MYO9A: variants seen among roughly 807,000 people sequenced by gnomAD.
MYO9A encodes unconventional myosin-IXa.
In MYO9A, 103 loss-of-function variants were observed where a neutral mutation model predicts 293.3. That is an observed-to-expected ratio of 0.35 (90% CI 0.30 to 0.41). The LOEUF is 0.41. MYO9A is among the 10% of genes least tolerant of loss of function. The pLI, the probability that MYO9A is intolerant of heterozygous loss-of-function variation, is 1.00. For missense variants in MYO9A, 2,685 were observed against 3,033.0 expected (o/e 0.89, Z 2.69); for synonymous variants, 1,001 against 1,035.7 (o/e 0.97, Z 0.64).
intron 32 of MYO9A, among the ~76,000 whole-genome samples, chr15:71,870,776 A>G (rs1436658380): frequency 6.6e-6 from 1 of 152,186 alleles, no homozygotes; most frequent in South Asian, 2.1e-4. Context: ...ACATCACTTC[A>G]TTTGTGTGGA....
chr15:71,978,945 G>T (rs1022435070), intron 11 of MYO9A, among the ~76,000 whole-genome samples: 7 of 151,578 alleles, frequency 4.6e-5, no homozygotes, highest in Admixed American at 4.6e-4. Context: ...TCACTTTTTA[G>T]ATGGTTTTTT....
At chr15:71,981,604 C>T (rs936106315) in intron 11 of MYO9A, among the ~76,000 whole-genome samples, 5 of 151,868 alleles carry the variant, frequency 3.3e-5, no homozygotes, top group African/African-American at 1.2e-4. Flanking sequence ...CCCTCTATCA[C>T]TGGGATTTTG....
intron 15 of MYO9A, among the ~76,000 whole-genome samples, chr15:71,941,052 C>T (rs922199833): frequency 6.6e-6 from 1 of 151,960 alleles, no homozygotes; most frequent in Non-Finnish European, 1.5e-5. Flanking sequence ...ATAAAAGTGG[C>T]CTAAAGAATA....
intron 25 of MYO9A, among the ~76,000 whole-genome samples, chr15:71,894,313 A>G (rs2057262333): frequency 6.6e-6 from 1 of 152,182 alleles, no homozygotes; most frequent in Non-Finnish European, 1.5e-5. Flanking sequence ...GCAGTGGCTC[A>G]TGCCTGTAAA....
At chr15:72,052,131 C>T (rs1048589323) in intron 1 of MYO9A, among the ~76,000 whole-genome samples, 2 of 151,698 alleles carry the variant, frequency 1.3e-5, no homozygotes, top group East Asian at 1.9e-4. Context: ...TCCTCTCTGC[C>T]GGGAGTTGAG....
At position 71,826,960 on chromosome 15, in the gene MYO9A, G is replaced by C. The variant is rs754028295; in HGVS notation, c.7267C>G (p.Gln2423Glu). The change falls in exon 42 of 42, where the codon CAA becomes GAA. Residue 2423 changes from glutamine (Q) to glutamate (E), a missense_variant. Transcript: ENST00000356056. Reference sequence around the variant, plus strand: ...GAGTCCACGACATCTAAAGAGTCTTGCTGCTTTTTAAGTTGCTTTCGCAAC... The same window carrying C: ...GAGTCCACGACATCTAAAGAGTCTTCCTGCTTTTTAAGTTGCTTTCGCAAC... Reference protein sequence around the residue: ...SKLRKQLKKQQDSLDVVDSSV... With the variant: ...SKLRKQLKKQEDSLDVVDSSV... 1.2e-6 allele frequency: 2 copies of C among 1,613,714 alleles called. No homozygotes were observed. Among genetic ancestry groups the C allele is most frequent in the Non-Finnish European group, 1.7e-6 (2 of 1,179,914 alleles).
intron 40 of MYO9A, among the ~76,000 whole-genome samples, 169 bp downstream of exon 40, chr15:71,829,938 ACT>A (rs2054649336): frequency 6.6e-6 from 1 of 152,104 alleles, no homozygotes; most frequent in South Asian, 2.1e-4. Flanking sequence ...CAACTCTCAC[ACT>A]GTTACCTGAG....
rs1303019767 is a variant in MYO9A at position 71,850,112 on chromosome 15, A to G, written c.6637T>C (p.Phe2213Leu). 6.2e-7 allele frequency: 1 copy of G among 1,614,164 alleles called. No individual in the cohort carries two copies. Among genetic ancestry groups the G allele is most frequent in the South Asian group, 1.1e-5 (1 of 91,084 alleles). ...GGGCAGCGGAGAATGCAGGGCGCAAACACAATGGCCAAAGCATTAGCAGAC... is the reference window on the plus strand; with the variant it reads ...GGGCAGCGGAGAATGCAGGGCGCAAGCACAATGGCCAAAGCATTAGCAGAC... ...RMSANALAIV[F>L]APCILRCPDT... Residue 2213 changes from phenylalanine (F) to leucine (L), a missense_variant, in exon 38 of 42, where the codon TTT becomes CTT. Coordinates refer to ENST00000356056, the MANE Select transcript of MYO9A (RefSeq NM_006901.4).
intron 3 of MYO9A, among the ~76,000 whole-genome samples, chr15:72,031,294 T>C (rs2077861146): frequency 6.6e-6 from 1 of 152,070 alleles, no homozygotes; most frequent in South Asian, 2.1e-4. Flanking sequence ...AAGATTAGCC[T>C]GGCCAACACA....
intron 2 of MYO9A, chr15:72,036,482 T>C (rs548455744): frequency 5.3e-4 from 81 of 152,270 alleles, no homozygotes; most frequent in African/African-American, 1.5e-3. Flanking sequence ...TCAGGCATTT[T>C]AACTTGTGCT....
At chr15:71,952,799 C>T (rs1347732958) in intron 14 of MYO9A, among the ~76,000 whole-genome samples, 1 of 152,148 alleles carries the variant, frequency 6.6e-6, no homozygotes, top group Non-Finnish European at 1.5e-5. Context: ...TCTATTACTG[C>T]ATTTTACTGT....
At chr15:71,878,379 G>GT in intron 30 of MYO9A, 148 bp from the exon 31 acceptor site, 1 of 502,976 alleles carries the variant, frequency 2.0e-6, no homozygotes, top group East Asian at 3.4e-5. Flanking sequence ...AGGTCATGTG[G>GT]TATTTGTAAA....
Position 71,897,961 on chromosome 15 carries a change from T to C in MYO9A, c.4542A>G (p.Glu1514=). Reference sequence around the variant, plus strand: ...AAATATCTGTTTGCTGGCGAATCTGTTCCATCATCTCTTTTTCATTCTGTT... The same window carrying C: ...AAATATCTGTTTGCTGGCGAATCTGCTCCATCATCTCTTTTTCATTCTGTT... ...LQQQNEKEMM[E]QIRQQTDILE... Residue 1514 remains glutamate, a synonymous_variant, in exon 25 of 42, where the codon GAA becomes GAG. Coordinates refer to ENST00000356056, the MANE Select transcript of MYO9A (RefSeq NM_006901.4). 6.2e-7 allele frequency: 1 copy of C among 1,614,184 alleles called. No individual in the cohort carries two copies. Among genetic ancestry groups the C allele is most frequent in the Non-Finnish European group, 8.5e-7 (1 of 1,180,046 alleles).
At position 72,063,835 on chromosome 15, in the gene MYO9A, A is replaced by C. The variant is rs1369864416; in HGVS notation, c.-71-17201T>G. ...CCAAAAGAACGGAAATCAGTATATCAAAGTGGTATCTGCACTCCCGTGTTT... is the reference window on the plus strand; with the variant it reads ...CCAAAAGAACGGAAATCAGTATATCCAAGTGGTATCTGCACTCCCGTGTTT... On this transcript the variant is annotated intron_variant, in intron 1 of 41. Coordinates refer to ENST00000356056, the MANE Select transcript of MYO9A (RefSeq NM_006901.4). Among the ~76,000 whole-genome samples the C allele has an allele frequency of 2.6e-5, 4 of 152,238 alleles. No homozygotes were observed. The East Asian group carries it at 7.7e-4, about 29-fold the overall frequency.
At chr15:71,869,262 T>C (rs967675525) in intron 32 of MYO9A, among the ~76,000 whole-genome samples, 1 of 152,112 alleles carries the variant, frequency 6.6e-6, no homozygotes, top group Non-Finnish European at 1.5e-5. Flanking sequence ...CTTGCAGATA[T>C]CAACCACAAT....
intron 32 of MYO9A, among the ~76,000 whole-genome samples, chr15:71,864,406 T>G (rs1177843815): frequency 6.6e-6 from 1 of 152,212 alleles, no homozygotes; most frequent in East Asian, 1.9e-4. Flanking sequence ...TGCAGTCACT[T>G]GGAAAACAGC....
At chr15:72,085,517 C>A (rs1033377521) in intron 1 of MYO9A, among the ~76,000 whole-genome samples, 1 of 152,066 alleles carries the variant, frequency 6.6e-6, no homozygotes, top group African/African-American at 2.4e-5. Context: ...TCTGTCAGCT[C>A]CTGTATTATT....
At chr15:71,886,209 A>G (rs1012969671) in intron 27 of MYO9A, among the ~76,000 whole-genome samples, 7 of 151,274 alleles carry the variant, frequency 4.6e-5, no homozygotes, top group Non-Finnish European at 7.4e-5. Context: ...AAAAAAAAAA[A>G]AAAAAGAAAG....
intron 17 of MYO9A, among the ~76,000 whole-genome samples, chr15:71,934,403 T>C (rs1235320511): frequency 6.6e-6 from 1 of 152,050 alleles, no homozygotes; most frequent in Non-Finnish European, 1.5e-5. Context: ...TTAAAAGTTG[T>C]TGTGAGGATT....
Sources: gnomAD v4.1 joint callset for allele counts (sites outside exome capture counted in the v4.1 genomes callset) on GRCh38, gnomAD v4.1.1 for gene constraint, MANE v1.5 for transcripts, NCBI Gene and HGNC (gene_info 2026-07-23, HGNC 2026-07-21) for gene names.